Variants in ATL1 observed in about 807,000 individuals in gnomAD.
The protein encoded by ATL1 is atlastin GTPase 1.
Under a neutral mutation model 75.5 loss-of-function variants are expected in ATL1, and 31 were observed. That is an observed-to-expected ratio of 0.41 (90% CI 0.31 to 0.55). The LOEUF is 0.55. Among genes scored for constraint, ATL1 ranks in the 20% least tolerant of loss-of-function variants. The pLI, the probability that ATL1 is intolerant of heterozygous loss-of-function variation, is 0.27. For missense variants in ATL1, 405 were observed against 662.6 expected (o/e 0.61, Z 4.27); for synonymous variants, 226 against 233.3 (o/e 0.97, Z 0.28).
intron 1 of ATL1, among the ~76,000 whole-genome samples, chr14:50,550,975 A>G (rs1266320374): frequency 2.0e-5 from 3 of 152,134 alleles, no homozygotes; most frequent in African/African-American, 7.2e-5. Context: ...ACCTCAAGGA[A>G]CTAGAGAAAC....
chr14:50,628,349 A>G lies in ATL1; in HGVS notation c.1438A>G (p.Ile480Val). 1 of 1,614,202 alleles carries G rather than the reference A, an allele frequency of 6.2e-7. No individual in the cohort carries two copies. The highest frequency in any genetic ancestry group is 8.5e-7 in the Non-Finnish European group (1 of 1,180,036). ...CATCATAGCTAGCCTATGCAATATG[A>G]TAATGGGACTGACCCTTATCACCCT... ...LDIIASLCNM[I>V]MGLTLITLCT... is the part of the protein sequence containing the mutation. The change falls in exon 12 of 14, where the codon ATA becomes GTA. Residue 480 changes from isoleucine to valine, a missense_variant. This residue lies in a region of ATL1 where 163 missense variants were observed against 244.1 expected (regional missense o/e 0.67). Transcript: ENST00000358385.
intron 1 of ATL1, chr14:50,542,459 A>G (rs2038577620): frequency 1.3e-5 from 2 of 152,196 alleles, no homozygotes; most frequent in South Asian, 4.2e-4. Context: ...TTAAAGTAAA[A>G]TTAAAAAAAT....
intron 1 of ATL1, among the ~76,000 whole-genome samples, chr14:50,554,140 C>T (rs577302784): frequency 4.6e-5 from 7 of 151,578 alleles, no homozygotes; most frequent in African/African-American, 1.2e-4. Flanking sequence ...AAAACCAATA[C>T]GTACCCTTAG....
chr14:50,570,013 T>C (rs1023306112), intron 1 of ATL1, among the ~76,000 whole-genome samples: 1 of 152,224 alleles, frequency 6.6e-6, no homozygotes, highest in African/African-American at 2.4e-5. Flanking sequence ...TTGATTATAA[T>C]GTGTCTCAAT....
chr14:50,566,666 A>T (rs979782310), intron 1 of ATL1, among the ~76,000 whole-genome samples: 2 of 152,082 alleles, frequency 1.3e-5, no homozygotes, highest in African/African-American at 2.4e-5. Flanking sequence ...AAATTAGGTT[A>T]TCTTTTTCTT....
chr14:50,604,760 G>T (rs2039301515), intron 6 of ATL1, among the ~76,000 whole-genome samples: 1 of 152,082 alleles, frequency 6.6e-6, no homozygotes, highest in Admixed American at 6.6e-5. Flanking sequence ...GTATAGAGTT[G>T]CTGCATTGAA....
chr14:50,560,551 C>T (rs2038826559), intron 1 of ATL1: 2 of 539,212 alleles, frequency 3.7e-6, no homozygotes, highest in Non-Finnish European at 6.7e-6. Context: ...TTCTTCCCCA[C>T]CCCCCTCCCG....
chr14:50,598,216 G>A (rs2039239459), intron 6 of ATL1, among the ~76,000 whole-genome samples: 1 of 152,080 alleles, frequency 6.6e-6, no homozygotes, highest in Non-Finnish European at 1.5e-5. Context: ...ATTTAATGTT[G>A]TGGAGAATTT....
chr14:50,563,361 G>A (rs1428856203), intron 1 of ATL1, among the ~76,000 whole-genome samples: 5 of 152,092 alleles, frequency 3.3e-5, no homozygotes, highest in Admixed American at 3.3e-4. Flanking sequence ...GAATGGGGTG[G>A]GGTGTGAAGA....
At chr14:50,629,584 A>C (rs761883658) in intron 12 of ATL1, among the ~76,000 whole-genome samples, 4,552 of 121,696 alleles carry the variant, frequency 0.037, 65 homozygotes, top group Middle Eastern at 0.051. Flanking sequence ...TCCATCTCCC[A>C]AAAAAAAAAA....
chr14:50,552,428 A>T (rs182574443), intron 1 of ATL1, among the ~76,000 whole-genome samples: 1 of 152,242 alleles, frequency 6.6e-6, no homozygotes, highest in African/African-American at 2.4e-5. Context: ...TATTGTGAAC[A>T]TGACCATACT....
chr14:50,596,680 A>AGAAAAG (rs1372197092), intron 6 of ATL1, among the ~76,000 whole-genome samples: 1 of 152,246 alleles, frequency 6.6e-6, no homozygotes, highest in East Asian at 1.9e-4. Flanking sequence ...GAAAGTGCTC[A>AGAAAAG]TTTTAAAAAG....
chr14:50,554,704 T>C (rs970748692), intron 1 of ATL1, among the ~76,000 whole-genome samples: 1 of 152,126 alleles, frequency 6.6e-6, no homozygotes, highest in Non-Finnish European at 1.5e-5. Context: ...TACAGAAAAT[T>C]TGTTTAAAAG....
At chr14:50,555,308 G>A (rs2038752617), upstream of ATL1, among the ~76,000 whole-genome samples, 2 of 152,214 alleles carry the variant, frequency 1.3e-5, no homozygotes, top group Admixed American at 6.5e-5. Context: ...TTGAGACGGA[G>A]TCTCGCTCTG....
chr14:50,580,336 T>G (rs1281881032), intron 1 of ATL1, among the ~76,000 whole-genome samples: 1 of 152,206 alleles, frequency 6.6e-6, no homozygotes, highest in Non-Finnish European at 1.5e-5. Context: ...TTAGCTATAT[T>G]TGTAGATACC....
chr14:50,549,347 T>C (rs2038673877), intron 1 of ATL1, among the ~76,000 whole-genome samples: 1 of 152,218 alleles, frequency 6.6e-6, no homozygotes, highest in Non-Finnish European at 1.5e-5. Flanking sequence ...CCATCCTCTA[T>C]GCAGATATTC....
intron 1 of ATL1, chr14:50,560,550 A>C (rs1595579999): frequency 3.4e-5 from 18 of 525,536 alleles, no homozygotes; most frequent in South Asian, 1.1e-4. Flanking sequence ...CTTCTTCCCC[A>C]CCCCCCTCCC....
chr14:50,558,570 C>T (rs1276222347), upstream of ATL1, among the ~76,000 whole-genome samples: 1 of 152,152 alleles, frequency 6.6e-6, no homozygotes, highest in Non-Finnish European at 1.5e-5. Flanking sequence ...AGATTACTTA[C>T]TAATTATAAA....
intron 13 of ATL1, chr14:50,630,991 G>C (rs539797498): frequency 2.2e-6 from 1 of 454,550 alleles, no homozygotes; most frequent in East Asian, 7.0e-5. Context: ...AGGCGCGGTG[G>C]CTCACGCCTG....
Sources: allele counts gnomAD v4.1 joint callset (sites outside exome capture counted in the v4.1 genomes callset), GRCh38; gene constraint gnomAD v4.1.1; regional missense constraint gnomAD v4.1.1; transcripts MANE v1.5; gene names NCBI Gene and HGNC (gene_info 2026-07-23, HGNC 2026-07-21).